SMC5: variants seen among roughly 807,000 people sequenced by gnomAD.
The protein encoded by SMC5 is structural maintenance of chromosomes 5.
A neutral mutation model predicts 148.3 loss-of-function variants in SMC5; 88 were observed. The ratio of observed to expected loss-of-function variants is 0.59; its 90% CI spans 0.50 to 0.71. The LOEUF is 0.71. Among genes scored for constraint, SMC5 ranks in the 30% least tolerant of loss-of-function variants. The probability of loss-of-function intolerance (pLI) is 0.00; values close to 1 mark genes in which losing one functional copy is unlikely to be tolerated. For missense variants in SMC5, 1,142 were observed against 1,298.9 expected (o/e 0.88, Z 1.86); for synonymous variants, 421 against 432.8 (o/e 0.97, Z 0.34).
At chr9:70,322,416 A>C (rs1181901993) in intron 15 of SMC5, among the ~76,000 whole-genome samples, 2 of 152,202 alleles carry the variant, frequency 1.3e-5, no homozygotes, top group African/African-American at 4.8e-5. Context: ...ACTTCTGTTC[A>C]CTTTGGACTA....
At chr9:70,340,944 G>A (rs879504588) in intron 17 of SMC5, among the ~76,000 whole-genome samples, 6 of 152,016 alleles carry the variant, frequency 3.9e-5, no homozygotes, top group African/African-American at 7.2e-5. Flanking sequence ...ATGTTAGTGG[G>A]GGATATTTTG....
intron 7 of SMC5, among the ~76,000 whole-genome samples, chr9:70,285,160 CTT>C (rs1442358840): frequency 2.6e-5 from 4 of 152,114 alleles, no homozygotes; most frequent in African/African-American, 7.2e-5. Flanking sequence ...ACTATTGTCT[CTT>C]GGCATCAGAG....
chr9:70,335,737 A>G (rs1587707777), intron 17 of SMC5, among the ~76,000 whole-genome samples: 1 of 152,176 alleles, frequency 6.6e-6, no homozygotes, highest in African/African-American at 2.4e-5. Flanking sequence ...ACAGGTGTGT[A>G]TATTTGTCAG....
intron 17 of SMC5, among the ~76,000 whole-genome samples, chr9:70,330,921 C>CAGT (rs1302032102): frequency 1.3e-5 from 2 of 152,002 alleles, no homozygotes; most frequent in African/African-American, 4.8e-5. Flanking sequence ...ATATTTTACC[C>CAGT]AGTATATCCA....
chr9:70,327,091 CA>C (rs571391845), intron 17 of SMC5, among the ~76,000 whole-genome samples: 1 of 151,926 alleles, frequency 6.6e-6, no homozygotes, highest in Non-Finnish European at 1.5e-5. Flanking sequence ...TGTATTTTCT[CA>C]AAAAAACAAA....
chr9:70,318,538 C>G lies in SMC5; in HGVS notation c.1831C>G (p.Gln611Glu). 6 of 1,603,374 alleles carry G rather than the reference C, an allele frequency of 3.7e-6. No individual in the cohort carries two copies. The highest frequency in any genetic ancestry group is 5.1e-6 in the Non-Finnish European group (6 of 1,175,370). The change falls in exon 14 of 25, where the codon CAG (glutamine) becomes GAG (glutamate). Residue 611 changes from glutamine to glutamate, a missense_variant. Gln to Glu is a conservative substitution (Grantham distance 29, BLOSUM62 2). Transcript: ENST00000361138. ...ERVIQETRLK[Q>E]IYTAEEKYVV... ...GGTAATACAAGAAACCCGATTAAAA[C>G]AGATTTATACAGCAGAAGAAAAGTA...
At chr9:70,323,709 CATTTT>C (rs2036007465) in intron 16 of SMC5, 103 bp downstream of exon 16, 1 of 1,288,260 alleles carries the variant, frequency 7.8e-7, no homozygotes, top group Non-Finnish European at 1.1e-6. Context: ...AGGTTTTTGA[CATTTT>C]AGTTATATAA....
intron 17 of SMC5, among the ~76,000 whole-genome samples, chr9:70,339,831 C>T (rs569192297): frequency 5.9e-5 from 9 of 152,122 alleles, no homozygotes; most frequent in Non-Finnish European, 1.2e-4. Flanking sequence ...AAAACATCCC[C>T]TGAAAAAGGT....
intron 17 of SMC5, among the ~76,000 whole-genome samples, chr9:70,328,353 C>G (rs2036136937): frequency 6.6e-6 from 1 of 152,202 alleles, no homozygotes; most frequent in Non-Finnish European, 1.5e-5. Context: ...AAGCTAGTTA[C>G]TTCCAAGATA....
chr9:70,262,859 T>A (rs541284471), intron 1 of SMC5, among the ~76,000 whole-genome samples: 2 of 151,832 alleles, frequency 1.3e-5, no homozygotes, highest in South Asian at 4.2e-4. Context: ...ATAAGGGAAT[T>A]CCCAATAAAT....
chr9:70,282,541 G>A lies in SMC5; in HGVS notation c.939G>A (p.Met313Ile). The A allele has an allele frequency of 6.3e-7, 1 of 1,590,368 alleles. No homozygotes were observed. Among genetic ancestry groups the A allele is most frequent in the African/African-American group, 1.4e-5 (1 of 73,774 alleles). The change falls in exon 7 of 25, where the codon ATG becomes ATA. Residue 313 changes from methionine (M) to isoleucine (I), a missense_variant. By Grantham distance (10) the Met-to-Ile change is conservative. Transcript: ENST00000361138. ...CTGTAACATGTCGAATTGAAGAAAT[G>A]GAAAACGAGCGTCACAATTTGGAGG... The part of the protein sequence containing the change: ...QIPVTCRIEE[M>I]ENERHNLEAR...
Position 70,298,115 on chromosome 9 carries a change from T to C in SMC5, c.1203T>C (p.Asp401=), listed in dbSNP as rs1454110327. 1.2e-6 allele frequency: 2 copies of C among 1,614,022 alleles called. No individual in the cohort carries two copies. Among genetic ancestry groups the C allele is most frequent in the East Asian group, 4.5e-5 (2 of 44,862 alleles). ...GCGAGAATCTTCAGCCCCAGATTGATGCCATTACAAATGATCTGAGACGGA... is the reference window on the plus strand; with the variant it reads ...GCGAGAATCTTCAGCCCCAGATTGACGCCATTACAAATGATCTGAGACGGA... ...ENCENLQPQI[D]AITNDLRRIQ... is the part of the protein sequence containing the mutation. Residue 401 remains aspartate (D), a synonymous_variant, in exon 9 of 25, where the codon GAT becomes GAC. Coordinates refer to ENST00000361138, the MANE Select transcript of SMC5 (RefSeq NM_015110.4).
intron 9 of SMC5, among the ~76,000 whole-genome samples, chr9:70,299,267 T>C (rs2035290640): frequency 6.6e-6 from 1 of 152,096 alleles, no homozygotes; most frequent in Admixed American, 6.6e-5. Flanking sequence ...TACTCATAGC[T>C]GAACCAAGTT....
intron 10 of SMC5, 123 bp from the exon 11 acceptor site, chr9:70,305,124 C>G (rs2035461785): frequency 1.9e-6 from 1 of 537,282 alleles, no homozygotes; most frequent in Non-Finnish European, 3.3e-6. Flanking sequence ...GTACCAAGTT[C>G]TTTTTTTTTA....
At chr9:70,335,079 C>T (rs2036324119) in intron 17 of SMC5, among the ~76,000 whole-genome samples, 2 of 152,156 alleles carry the variant, frequency 1.3e-5, no homozygotes, top group African/African-American at 4.8e-5. Flanking sequence ...TATATAATCA[C>T]TGTGGAAAAT....
At chr9:70,292,451 A>C (rs536778206) in intron 8 of SMC5, among the ~76,000 whole-genome samples, 285 of 152,198 alleles carry the variant, frequency 1.9e-3, no homozygotes, top group African/African-American at 6.6e-3. Flanking sequence ...GTCAGCTACA[A>C]ATGGGGACAG....
At chr9:70,268,099 T>A in intron 3 of SMC5, 124 bp downstream of exon 3, 1 of 693,914 alleles carries the variant, frequency 1.4e-6, no homozygotes, top group Non-Finnish European at 2.2e-6. Flanking sequence ...AAATAATATT[T>A]AAAGAATACT....
intron 18 of SMC5, 85 bp from the exon 19 acceptor site, chr9:70,346,520 A>T: frequency 2.3e-6 from 3 of 1,302,982 alleles, no homozygotes; most frequent in Admixed American, 1.9e-5. Flanking sequence ...ATGCTTTTTT[A>T]GTTCTTCATA....
rs769463721 is a variant in SMC5, at chr9:70,259,078, G to C, written c.-1G>C. The C allele has an allele frequency of 1.2e-6, 2 of 1,602,594 alleles. No homozygotes were observed. Among genetic ancestry groups the C allele is most frequent in the South Asian group, 1.1e-5 (1 of 89,556 alleles). On this transcript the variant is annotated 5_prime_UTR_variant, in exon 1 of 25. Coordinates refer to ENST00000361138, the MANE Select transcript of SMC5 (RefSeq NM_015110.4). ...CGCTGTGGGACGCTGAGGAAGCCAG[G>C]ATGGCGACTCCGAGCAAGAAGACGT...
Sources: allele counts gnomAD v4.1 joint callset (sites outside exome capture counted in the v4.1 genomes callset), GRCh38; gene constraint gnomAD v4.1.1; transcripts MANE v1.5; gene names NCBI Gene and HGNC (gene_info 2026-07-23, HGNC 2026-07-21).